The following ARL15 variants were observed in gnomAD, a reference collection of about 807,000 sequenced individuals.
ARL15 encodes the protein ARF like GTPase 15, also known as ADP-ribosylation factor-like protein 15.
Under a neutral mutation model 25.2 loss-of-function variants are expected in ARL15, and 19 were observed. That is an observed-to-expected ratio of 0.75 (90% CI 0.53 to 1.10). ARL15 has a LOEUF of 1.10. Ranked by LOEUF, ARL15 falls within the 50% of genes least tolerant of loss-of-function variation. The pLI is 0.00. For missense variants in ARL15, 220 were observed against 246.0 expected, an observed-to-expected ratio of 0.89 and a Z score of 0.71; for synonymous variants, 94 against 86.8, an observed-to-expected ratio of 1.08 and a Z score of -0.46.
At chr5:54,138,878 A>G (rs918532108) in intron 3 of ARL15, among the ~76,000 whole-genome samples, 1 of 152,224 alleles carries the variant, frequency 6.6e-6, no homozygotes, top group Non-Finnish European at 1.5e-5. Flanking sequence ...ATATTCCTCA[A>G]AAGAAGATAT....
intron 4 of ARL15, among the ~76,000 whole-genome samples, chr5:54,030,372 ACTAT>A (rs1192734791): frequency 5.3e-5 from 8 of 152,218 alleles, no homozygotes; most frequent in African/African-American, 1.7e-4. Flanking sequence ...ACATATTGTA[ACTAT>A]CATTTCTTAA....
chr5:54,149,835 T>TAA (rs1754011541), intron 3 of ARL15, among the ~76,000 whole-genome samples: 2 of 152,104 alleles, frequency 1.3e-5, no homozygotes, highest in Admixed American at 1.3e-4. Context: ...CAGTAACTAA[T>TAA]TAAAACTAAA....
At chr5:53,918,586 T>TG (rs778546512) in intron 4 of ARL15, among the ~76,000 whole-genome samples, 41 of 152,088 alleles carry the variant, frequency 2.7e-4, no homozygotes, top group Non-Finnish European at 1.0e-4. Flanking sequence ...GATTTAGATC[T>TG]GGGGGGTCAT....
chr5:54,093,691 T>TAAA (rs11450435), intron 4 of ARL15, among the ~76,000 whole-genome samples: 1 of 142,560 alleles, frequency 7.0e-6, no homozygotes, highest in Non-Finnish European at 1.5e-5. Context: ...CATTTAAAGT[T>TAAA]AAAAAAAAAA....
chr5:54,041,168 T>C (rs1371625506), intron 4 of ARL15, among the ~76,000 whole-genome samples: 4 of 152,198 alleles, frequency 2.6e-5, no homozygotes, highest in Non-Finnish European at 4.4e-5. Context: ...TCTCATCAAA[T>C]TGTGTATTAT....
intron 4 of ARL15, among the ~76,000 whole-genome samples, chr5:54,054,518 C>T (rs1019114741): frequency 2.6e-5 from 4 of 152,212 alleles, no homozygotes; most frequent in Non-Finnish European, 5.9e-5. Flanking sequence ...GAGCTGGGCG[C>T]TGTGGCTCAT....
rs532667537 is a variant in ARL15 at position 54,286,685 on chromosome 5, G to A, written c.48+23747C>T. Among the ~76,000 whole-genome samples, 48 of 152,236 alleles carry A rather than the reference G, an allele frequency of 3.2e-4. No individual in the cohort carries two copies. The South Asian group carries it at 1.0e-2, about 32-fold the overall frequency. On this transcript the variant is annotated intron_variant, in intron 1 of 4. Coordinates refer to ENST00000504924, the MANE Select transcript of ARL15 (RefSeq NM_019087.3). ...ATTTTGGCTGAAATGGTGAAGGTAA[G>A]AATAGTTCTCGTTCTGAAAATTCTG... is the stretch of plus-strand genomic sequence containing the variant.
At chr5:53,921,603 C>T (rs1480766897) in intron 4 of ARL15, among the ~76,000 whole-genome samples, 2 of 152,110 alleles carry the variant, frequency 1.3e-5, no homozygotes, top group Non-Finnish European at 2.9e-5. Context: ...CAAAACCTGT[C>T]TCTACTAAAA....
chr5:53,950,824 G>A (rs1561162385), intron 4 of ARL15, among the ~76,000 whole-genome samples: 1 of 152,128 alleles, frequency 6.6e-6, no homozygotes, highest in South Asian at 2.1e-4. Context: ...GGTATTTCTT[G>A]AATAATAACC....
intron 1 of ARL15, chr5:54,282,408 C>T (rs1758081223): frequency 1.0e-6 from 1 of 985,310 alleles, no homozygotes; most frequent in Non-Finnish European, 1.2e-6. Context: ...TCTTGTTTCC[C>T]TCTTTAAAGA....
At chr5:54,003,682 A>T (rs572434207) in intron 4 of ARL15, among the ~76,000 whole-genome samples, 1 of 150,680 alleles carries the variant, frequency 6.6e-6, no homozygotes, top group South Asian at 2.1e-4. Flanking sequence ...CTATCTATCT[A>T]TCTATCTATC....
intron 2 of ARL15, among the ~76,000 whole-genome samples, chr5:54,170,779 G>A (rs1319835363): frequency 4.6e-5 from 7 of 152,106 alleles, no homozygotes; most frequent in Admixed American, 4.6e-4. Context: ...TTCTGGATAT[G>A]AACTTAATGT....
chr5:54,296,552 G>A (rs1180774815), intron 1 of ARL15, among the ~76,000 whole-genome samples: 1 of 152,218 alleles, frequency 6.6e-6, no homozygotes, highest in Non-Finnish European at 1.5e-5. Flanking sequence ...GCCAGGTTCT[G>A]GGCATATTAA....
At chr5:53,979,811 GAA>G (rs1360746187) in intron 4 of ARL15, among the ~76,000 whole-genome samples, 1 of 150,764 alleles carries the variant, frequency 6.6e-6, no homozygotes, top group Non-Finnish European at 1.5e-5. Flanking sequence ...AGTCACAGTT[GAA>G]AGTCTTTAAA....
At chr5:54,174,320 G>A in intron 1 of ARL15, among the ~76,000 whole-genome samples, 1 of 152,126 alleles carries the variant, frequency 6.6e-6, no homozygotes, top group East Asian at 1.9e-4. Flanking sequence ...ATAAGAAACC[G>A]CTGACTTTTT....
chr5:54,074,244 C>A (rs1751517263), intron 4 of ARL15, among the ~76,000 whole-genome samples: 2 of 152,164 alleles, frequency 1.3e-5, no homozygotes, highest in African/African-American at 4.8e-5. Context: ...ACAAACTGAG[C>A]CTCATCTAAA....
At chr5:54,290,455 G>A (rs1445208297) in intron 1 of ARL15, among the ~76,000 whole-genome samples, 2 of 151,862 alleles carry the variant, frequency 1.3e-5, no homozygotes, top group Non-Finnish European at 2.9e-5. Flanking sequence ...TTACAGGTGA[G>A]TGCCACCACG....
intron 4 of ARL15, among the ~76,000 whole-genome samples, chr5:54,102,020 T>TTG (rs931257948): frequency 8.2e-4 from 2 of 2,428 alleles, no homozygotes; most frequent in Non-Finnish European, 1.1e-3. Flanking sequence ...TTTTGTTTTG[T>TTG]TTTTTTTTTT....
At chr5:54,145,585 T>C (rs776607584) in intron 3 of ARL15, among the ~76,000 whole-genome samples, 7 of 152,100 alleles carry the variant, frequency 4.6e-5, no homozygotes, top group Non-Finnish European at 8.8e-5. Flanking sequence ...CACCGAAGTA[T>C]ACAAAGAAAC....
Sources: allele counts gnomAD v4.1 joint callset (sites outside exome capture counted in the v4.1 genomes callset), GRCh38; gene constraint gnomAD v4.1.1; transcripts MANE v1.5; gene names NCBI Gene and HGNC (gene_info 2026-07-23, HGNC 2026-07-21).